Variants in KLKB1 observed in about 807,000 individuals in gnomAD.
The protein encoded by KLKB1 is plasma kallikrein.
In KLKB1, 58 loss-of-function variants were observed where a neutral mutation model predicts 73.6. The ratio of observed to expected loss-of-function variants is 0.79; its 90% confidence interval spans 0.64 to 0.98. KLKB1 has a LOEUF of 0.98. Among genes scored for constraint, KLKB1 ranks in the 50% least tolerant of loss-of-function variants. The pLI, the probability that KLKB1 is intolerant of heterozygous loss-of-function variation, is 0.00. For synonymous variants in KLKB1, 280 were observed against 258.1 expected (o/e 1.08, Z -0.81); for missense variants, 737 against 763.8 (o/e 0.96, Z 0.41).
chr4:186,233,876 T>C (rs962920384), intron 3 of KLKB1, 76 bp from the exon 4 acceptor site: 1 of 988,572 alleles, frequency 1.0e-6, no homozygotes. Flanking sequence ...TATTTGTTAG[T>C]GTGTAGAAAA....
chr4:186,230,499 C>T (rs902943673), intron 2 of KLKB1, among the ~76,000 whole-genome samples: 17 of 152,138 alleles, frequency 1.1e-4, no homozygotes, highest in African/African-American at 3.9e-4. Context: ...TGAAAGCCAC[C>T]ATCATTATGA....
At chr4:186,254,515 G>C (rs1314336361) in intron 11 of KLKB1, 73 bp from the exon 12 acceptor site, 21 of 1,216,842 alleles carry the variant, frequency 1.7e-5, no homozygotes, top group Non-Finnish European at 2.4e-5. Flanking sequence ...TTGAAAGAGA[G>C]TGATAGGAAA....
intron 2 of KLKB1, among the ~76,000 whole-genome samples, chr4:186,213,941 G>A (rs1736814786): frequency 1.3e-5 from 2 of 152,054 alleles, no homozygotes; most frequent in South Asian, 4.1e-4. Flanking sequence ...TGAATTACCG[G>A]CTTTTCTTCT....
intron 6 of KLKB1, among the ~76,000 whole-genome samples, chr4:186,247,662 G>A (rs1442090096): frequency 1.3e-5 from 2 of 152,132 alleles, no homozygotes; most frequent in Non-Finnish European, 2.9e-5. Context: ...CACTTTATAA[G>A]ACTTGAAGGA....
chr4:186,225,200 T>G (rs1048302526), upstream of KLKB1, among the ~76,000 whole-genome samples: 3 of 152,174 alleles, frequency 2.0e-5, no homozygotes, highest in Non-Finnish European at 4.4e-5. Flanking sequence ...TGGGAAATTC[T>G]TTTTGTCTCC....
chr4:186,250,693 A>C (rs1033018129), intron 7 of KLKB1, among the ~76,000 whole-genome samples: 1 of 152,208 alleles, frequency 6.6e-6, no homozygotes, highest in Non-Finnish European at 1.5e-5. Flanking sequence ...TGAAGATTCA[A>C]AACATGATCT....
Position 186,258,416 on chromosome 4 carries a change from G to T in KLKB1, c.*204G>T. 1 of 629,334 alleles carries T rather than the reference G, an allele frequency of 1.6e-6. No individual in the cohort carries two copies. The allele number at this position is 629,334 out of a possible 1,614,324, so 39.0% of individuals were successfully genotyped here. ...CCGTAACCAGGGGCTGACAATGCGA[G>T]GTCGCAACTGAGATCTCCATGACTG... On this transcript the variant is annotated 3_prime_UTR_variant, in exon 15 of 15. Coordinates refer to ENST00000264690, the MANE Select transcript of KLKB1 (RefSeq NM_000892.5).
At chr4:186,239,626 T>C (rs1215818245) in intron 6 of KLKB1, among the ~76,000 whole-genome samples, 1 of 144,528 alleles carries the variant, frequency 6.9e-6, no homozygotes, top group Non-Finnish European at 1.5e-5. Context: ...AGTACAGTGA[T>C]ACTGTTAGAG....
chr4:186,254,676 G>A lies in KLKB1; in HGVS notation c.1402G>A (p.Glu468Lys). Residue 468 changes from glutamate (E) to lysine (K), a missense_variant, in exon 12 of 15, where the codon GAG becomes AAG. Coordinates refer to ENST00000264690, the MANE Select transcript of KLKB1 (RefSeq NM_000892.5). ...AGATACACCTTTCTCACAAATAAAA[G>A]AGATTATTATTCACCAAAACTATAA... ...TKDTPFSQIKEIIIHQNYKVS... is the reference protein window; with the variant it reads ...TKDTPFSQIKKIIIHQNYKVS... The A allele has an allele frequency of 6.2e-7, 1 of 1,613,072 alleles. No homozygotes were observed. Among genetic ancestry groups the A allele is most frequent in the Non-Finnish European group, 8.5e-7 (1 of 1,179,040 alleles).
At chr4:186,225,062 C>CGT (rs567968587), upstream of KLKB1, among the ~76,000 whole-genome samples, 241 of 152,280 alleles carry the variant, frequency 1.6e-3, 3 homozygotes, top group African/African-American at 5.5e-3. Context: ...TGCCTTCCAT[C>CGT]GTGATTATAA....
intron 13 of KLKB1, 146 bp from the exon 14 acceptor site, chr4:186,257,080 G>A (rs1300751738): frequency 4.5e-6 from 2 of 443,796 alleles, no homozygotes; most frequent in Non-Finnish European, 7.7e-6. Flanking sequence ...AGGTCCTTAT[G>A]AAAAATACAC....
intron 4 of KLKB1, among the ~76,000 whole-genome samples, chr4:186,236,529 C>G (rs1346793239): frequency 6.6e-6 from 1 of 152,124 alleles, no homozygotes; most frequent in East Asian, 1.9e-4. Context: ...CTGCATGCAT[C>G]TTGCAGTTTA....
At chr4:186,242,086 T>G (rs901294294) in intron 6 of KLKB1, among the ~76,000 whole-genome samples, 1 of 151,748 alleles carries the variant, frequency 6.6e-6, no homozygotes, top group African/African-American at 2.4e-5. Context: ...TGGGGACGTT[T>G]TATAGGATTT....
chr4:186,236,888 C>T lies in KLKB1; in HGVS notation c.436C>T (p.Arg146Cys). 6.2e-7 allele frequency: 1 copy of T among 1,613,982 alleles called. No individual in the cohort carries two copies. Among genetic ancestry groups the T allele is most frequent in the Non-Finnish European group, 8.5e-7 (1 of 1,179,968 alleles). Reference sequence around the variant, plus strand: ...CCAAAAAAGGTGCACCAGTAACATTCGCTGCCAGTTTTTTTCATATGCCAC... The same window carrying T: ...CCAAAAAAGGTGCACCAGTAACATTTGCTGCCAGTTTTTTTCATATGCCAC... ...ECQKRCTSNI[R>C]CQFFSYATQT... Residue 146 changes from arginine (R) to cysteine (C), a missense_variant, in exon 5 of 15, where the codon CGC becomes TGC. Coordinates refer to ENST00000264690, the MANE Select transcript of KLKB1 (RefSeq NM_000892.5).
In KLKB1 at chr4:186,251,571, G is replaced by A. The variant is rs1426696009; in HGVS notation, c.953G>A (p.Cys318Tyr). The stretch of plus-strand genomic sequence containing the variant: ...ACTTTTGTTAAAGGAGTGAATGTTT[G>A]CCAAGAGACTTGCACAAAGATGATT... Reference protein sequence around the residue: ...NVTFVKGVNVCQETCTKMIRC... With the variant: ...NVTFVKGVNVYQETCTKMIRC... Residue 318 changes from cysteine (C) to tyrosine (Y), a missense_variant, in exon 9 of 15, where the codon TGC becomes TAC. Transcript: ENST00000264690. 3.7e-6 allele frequency: 6 copies of A among 1,613,892 alleles called. No individual in the cohort carries two copies.
chr4:186,238,425 C>T lies in KLKB1; in HGVS notation c.598+60C>T, dbSNP rs146737970. The T allele has an allele frequency of 9.3e-4, 1,082 of 1,161,348 alleles. 10 individuals carry two copies. In the African/African-American group the frequency reaches 0.014, roughly 15 times the overall value. 71.9% of individuals were successfully genotyped at this position (1,161,348 alleles called of 1,614,324 possible). A position where few individuals can be genotyped will look rare whatever the true frequency, so the allele number is the denominator to read the frequency against. On this transcript the variant is annotated intron_variant, in intron 6 of 14. Transcript: ENST00000264690. ...TAGGTGGAATAGGAGCCCCCAGAGA[C>T]GTCCCTGTGCTGAGCCCTGGGACCT...
intron 2 of KLKB1, among the ~76,000 whole-genome samples, chr4:186,216,331 C>T (rs775010244): frequency 6.6e-6 from 1 of 152,190 alleles, no homozygotes; most frequent in Non-Finnish European, 1.5e-5. Context: ...AGCCCCAGTC[C>T]TACCAGCAAG....
intron 13 of KLKB1, among the ~76,000 whole-genome samples, chr4:186,256,621 A>G (rs977978133): frequency 2.0e-5 from 3 of 152,186 alleles, no homozygotes; most frequent in African/African-American, 7.2e-5. Flanking sequence ...ATTTAAAGTA[A>G]TCTTCACTAA....
rs539706049 is a variant in KLKB1, at chr4:186,254,053, G to A, written c.1314-535G>A. Among the ~76,000 whole-genome samples the A allele has an allele frequency of 7.2e-5, 11 of 152,242 alleles. No homozygotes were observed. The South Asian group carries it at 1.7e-3, about 23-fold the overall frequency. On this transcript the variant is annotated intron_variant, in intron 11 of 14. Transcript: ENST00000264690. The stretch of plus-strand genomic sequence containing the variant: ...TCATCATGTTGGTCAGGCTGGTCTC[G>A]AACTCCTGGCCTCAAGGGATCCACC...
Sources: gnomAD v4.1 joint callset for allele counts (sites outside exome capture counted in the v4.1 genomes callset) on GRCh38, gnomAD v4.1.1 for gene constraint, MANE v1.5 for transcripts, NCBI Gene and HGNC (gene_info 2026-07-23, HGNC 2026-07-21) for gene names.